Variants in TRAPPC9 observed in about 807,000 individuals in gnomAD.
TRAPPC9 encodes trafficking protein particle complex subunit 9.
In TRAPPC9, 83 loss-of-function variants were observed where a neutral mutation model predicts 124.0. That is an observed-to-expected ratio of 0.67 (90% confidence interval 0.56 to 0.80). The LOEUF is 0.80. Among genes scored for constraint, TRAPPC9 ranks in the 30% least tolerant of loss-of-function variants. TRAPPC9 has a pLI of 0.00. For missense variants in TRAPPC9, 1,302 were observed against 1,508.3 expected (o/e 0.86, Z 2.27); for synonymous variants, 638 against 617.5 (o/e 1.03, Z -0.49).
rs1200230879 is a variant in TRAPPC9, at chr8:140,087,812, A to C, written c.2557-63733T>G. ...TGACCATTCTCATGCATGACGAGCAACCGCACCATTCCCTGGCTCTCTCCT... is the reference window on the plus strand; with the variant it reads ...TGACCATTCTCATGCATGACGAGCACCCGCACCATTCCCTGGCTCTCTCCT... On this transcript the variant is annotated intron_variant, in intron 17 of 22. Transcript: ENST00000438773. The surrounding 1 kb of genome is among the most constrained non-coding windows in gnomAD (Gnocchi z 4.6). Among the ~76,000 whole-genome samples, 2 of 152,004 alleles carry C rather than the reference A, an allele frequency of 1.3e-5. No homozygotes were observed. The highest frequency in any genetic ancestry group is 2.9e-5 in the Non-Finnish European group (2 of 68,012).
chr8:140,248,819 C>G (rs1563880520), intron 16 of TRAPPC9, among the ~76,000 whole-genome samples: 1 of 152,082 alleles, frequency 6.6e-6, no homozygotes, highest in Non-Finnish European at 1.5e-5. Flanking sequence ...AGATATCTGC[C>G]AAGAATTTGA....
intron 15 of TRAPPC9, among the ~76,000 whole-genome samples, chr8:140,265,945 T>G (rs530273067): frequency 3.7e-4 from 56 of 152,350 alleles, no homozygotes; most frequent in African/African-American, 1.2e-3. Flanking sequence ...TGTTAAAATA[T>G]TAAACAGAAG....
At chr8:140,229,124 C>G (rs2063522760) in intron 16 of TRAPPC9, among the ~76,000 whole-genome samples, 1 of 151,752 alleles carries the variant, frequency 6.6e-6, no homozygotes, top group African/African-American at 2.4e-5. Context: ...TATTATATTT[C>G]AGGTACATAG....
chr8:139,991,584 G>GT lies in TRAPPC9; in HGVS notation c.2700-2749dup, dbSNP rs1415267619. On this transcript the variant is annotated intron_variant, in intron 18 of 22. Transcript: ENST00000438773. ...ACCTTAATTCTTGTTTGCTTTTTGG[G>GT]TTTGTTTTTTTTTTTTTCTGGACAC... is the stretch of plus-strand genomic sequence containing the variant. Among the ~76,000 whole-genome samples, 943 of 132,878 alleles carry GT rather than the reference G, an allele frequency of 7.1e-3. 4 individuals carry two copies. The highest frequency in any genetic ancestry group is 0.022 in the East Asian group (94 of 4,208). 87.2% of individuals were successfully genotyped at this position (132,878 alleles called of 152,430 possible).
intron 21 of TRAPPC9, among the ~76,000 whole-genome samples, chr8:139,869,280 G>A (rs1828741316): frequency 3.3e-5 from 5 of 152,212 alleles, no homozygotes; most frequent in Admixed American, 3.3e-4. Context: ...AAAGAAGGCA[G>A]GGGTGGTAGT....
chr8:140,405,543 C>T (rs376659925), intron 6 of TRAPPC9, 34 bp downstream of exon 6: 6 of 1,612,516 alleles, frequency 3.7e-6, no homozygotes, highest in Non-Finnish European at 5.1e-6. Flanking sequence ...AACAACACAA[C>T]TGTGTAAAAA....
chr8:139,751,131 G>T (rs897026782), intron 21 of TRAPPC9, among the ~76,000 whole-genome samples: 3 of 152,206 alleles, frequency 2.0e-5, no homozygotes, highest in Non-Finnish European at 4.4e-5. Flanking sequence ...GCCCTGCCTG[G>T]GAGAAAGGTT....
At chr8:139,736,623 T>G (rs1373888578) in intron 21 of TRAPPC9, among the ~76,000 whole-genome samples, 1 of 152,154 alleles carries the variant, frequency 6.6e-6, no homozygotes, top group Non-Finnish European at 1.5e-5. Flanking sequence ...TGGTCTCCCC[T>G]GGGACCCCCA....
intron 21 of TRAPPC9, among the ~76,000 whole-genome samples, chr8:139,767,293 T>C (rs1360181926): frequency 6.6e-6 from 1 of 152,230 alleles, no homozygotes; most frequent in African/African-American, 2.4e-5. Flanking sequence ...AGCCTTGCTT[T>C]TCCCACTCTG....
chr8:139,728,316 C>G lies in TRAPPC9; in HGVS notation c.*2745G>C, dbSNP rs560629425. Among the ~76,000 whole-genome samples the G allele has an allele frequency of 1.2e-4, 18 of 152,312 alleles. No homozygotes were observed. Among genetic ancestry groups the G allele is most frequent in the Middle Eastern group, 3.4e-3 (1 of 294 alleles). On this transcript the variant is annotated 3_prime_UTR_variant, in exon 23 of 23. Transcript: ENST00000438773. ...GGACCAAGGATCAGAAGGGCAGAAC[C>G]AACTCGCTCAGCTAGTGAAGTGCAA...
chr8:140,215,305 C>G (rs934076908), intron 17 of TRAPPC9, among the ~76,000 whole-genome samples: 2 of 152,130 alleles, frequency 1.3e-5, no homozygotes, highest in African/African-American at 4.8e-5. Context: ...AGATCCTGTC[C>G]TCCTTAAGGG....
chr8:139,896,875 T>C (rs1376570242), intron 20 of TRAPPC9, among the ~76,000 whole-genome samples: 1 of 152,218 alleles, frequency 6.6e-6, no homozygotes, highest in Non-Finnish European at 1.5e-5. Context: ...AGGCTCTTCC[T>C]AGGCACTTGG....
chr8:140,202,440 T>C (rs1440424047), intron 17 of TRAPPC9, among the ~76,000 whole-genome samples: 1 of 152,180 alleles, frequency 6.6e-6, no homozygotes, highest in African/African-American at 2.4e-5. Flanking sequence ...TAGCATCTTG[T>C]TTCTGTTTTT....
At chr8:139,882,875 C>T (rs1271827343) in intron 21 of TRAPPC9, among the ~76,000 whole-genome samples, 1 of 152,208 alleles carries the variant, frequency 6.6e-6, no homozygotes, top group African/African-American at 2.4e-5. Context: ...GAGCTGGGAT[C>T]TGAGTCCAGG....
chr8:139,889,266 G>T (rs1012749248), intron 20 of TRAPPC9, among the ~76,000 whole-genome samples: 3 of 152,158 alleles, frequency 2.0e-5, no homozygotes, highest in African/African-American at 4.8e-5. Flanking sequence ...GAGACAGAAT[G>T]GATGTGGGCG....
At chr8:140,306,602 G>A (rs779941244) in intron 10 of TRAPPC9, among the ~76,000 whole-genome samples, 3 of 151,964 alleles carry the variant, frequency 2.0e-5, no homozygotes, top group Non-Finnish European at 4.4e-5. Flanking sequence ...CATGAAAAGC[G>A]AATCTGGACA....
chr8:140,188,620 T>C (rs1035528593), intron 17 of TRAPPC9, among the ~76,000 whole-genome samples: 1 of 152,188 alleles, frequency 6.6e-6, no homozygotes, highest in Non-Finnish European at 1.5e-5. Flanking sequence ...CCTTTAAACA[T>C]GGCATTCCCC....
intron 17 of TRAPPC9, among the ~76,000 whole-genome samples, chr8:140,036,739 G>C (rs1024789661): frequency 6.6e-5 from 10 of 152,224 alleles, no homozygotes; most frequent in Admixed American, 5.9e-4. Flanking sequence ...CAGAGAGAGA[G>C]CAGGAGCCAG....
chr8:139,833,732 AG>A (rs1826142386), intron 21 of TRAPPC9, among the ~76,000 whole-genome samples: 1 of 152,208 alleles, frequency 6.6e-6, no homozygotes, highest in Non-Finnish European at 1.5e-5. Flanking sequence ...GCTAATGTGC[AG>A]TGTGGACTTT....
Sources: gnomAD v4.1 joint callset for allele counts (sites outside exome capture counted in the v4.1 genomes callset) on GRCh38, gnomAD v4.1.1 for gene constraint, Gnocchi (gnomAD v3.1) non-coding constraint, MANE v1.5 for transcripts, NCBI Gene and HGNC (gene_info 2026-07-23, HGNC 2026-07-21) for gene names.